NAALADL2: variants seen among roughly 807,000 people sequenced by gnomAD.
NAALADL2 encodes inactive N-acetylated-alpha-linked acidic dipeptidase-like protein 2.
A neutral mutation model predicts 87.2 loss-of-function variants in NAALADL2; 76 were observed. The observed-to-expected ratio is 0.87, with a 90% confidence interval of 0.72 to 1.05. NAALADL2 has a LOEUF of 1.05. NAALADL2 is among the 50% of genes least tolerant of loss of function. NAALADL2 has a pLI of 0.00. For missense variants in NAALADL2, 1,089 were observed against 945.8 expected (o/e 1.15, Z -1.99); for synonymous variants, 354 against 331.0 (o/e 1.07, Z -0.75).
chr3:175,323,099 C>T (rs1338567003), intron 4 of NAALADL2, among the ~76,000 whole-genome samples: 13 of 144,170 alleles, frequency 9.0e-5, no homozygotes, highest in African/African-American at 3.1e-4. Context: ...AAATGTCCAA[C>T]AATGATAGAC....
At position 174,935,673 on chromosome 3, in the gene NAALADL2, G is replaced by A. The variant is rs527307948; in HGVS notation, c.43+76223G>A. On this transcript the variant is annotated intron_variant, in intron 1 of 13. Transcript: ENST00000454872. ...ATTTACAATTGTAAACTTTTGGTAT[G>A]TTATGTTCTTTTAAGGTTCTCTAAT... Among the ~76,000 whole-genome samples, 8 of 152,162 alleles carry A rather than the reference G, an allele frequency of 5.3e-5. No individual in the cohort carries two copies. The South Asian group carries it at 1.7e-3, about 32-fold the overall frequency.
chr3:175,250,110 C>T (rs574729380), intron 3 of NAALADL2, among the ~76,000 whole-genome samples: 1 of 150,312 alleles, frequency 6.7e-6, no homozygotes, highest in Admixed American at 6.6e-5. Flanking sequence ...TGGAGGTTGC[C>T]GTTAGTCAAG....
At chr3:175,441,752 G>T (rs983940352) in intron 5 of NAALADL2, among the ~76,000 whole-genome samples, 1 of 151,830 alleles carries the variant, frequency 6.6e-6, no homozygotes, top group South Asian at 2.1e-4. Flanking sequence ...TTCTGAAGTT[G>T]TGTTATTCTT....
intron 1 of NAALADL2, among the ~76,000 whole-genome samples, chr3:174,496,858 G>GT (rs1718572640): frequency 1.3e-5 from 2 of 151,840 alleles, no homozygotes; most frequent in South Asian, 2.1e-4. Flanking sequence ...AAACACGAAC[G>GT]TATCAGCAAT....
chr3:175,253,163 G>T (rs1749349708), intron 3 of NAALADL2, among the ~76,000 whole-genome samples: 1 of 152,154 alleles, frequency 6.6e-6, no homozygotes, highest in Non-Finnish European at 1.5e-5. Flanking sequence ...CTAGAGAGAA[G>T]AAGGCTAGGC....
chr3:175,395,365 A>G (rs775908227), intron 5 of NAALADL2, among the ~76,000 whole-genome samples: 1 of 152,204 alleles, frequency 6.6e-6, no homozygotes, highest in Non-Finnish European at 1.5e-5. Flanking sequence ...AAACTAAACT[A>G]TGGATAAGGG....
At chr3:175,727,003 A>G (rs759276327) in intron 11 of NAALADL2, among the ~76,000 whole-genome samples, 5 of 152,174 alleles carry the variant, frequency 3.3e-5, no homozygotes, top group Non-Finnish European at 5.9e-5. Context: ...GTTCAGGGCT[A>G]AGTTAAGAGC....
At chr3:175,274,391 C>T (rs1753283839) in intron 4 of NAALADL2, among the ~76,000 whole-genome samples, 1 of 152,192 alleles carries the variant, frequency 6.6e-6, no homozygotes, top group Admixed American at 6.5e-5. Context: ...CAAAAAACTA[C>T]CTGACAGTAA....
chr3:174,685,456 C>T (rs1382637782), intron 2 of NAALADL2, among the ~76,000 whole-genome samples: 1 of 152,164 alleles, frequency 6.6e-6, no homozygotes, highest in Non-Finnish European at 1.5e-5. Flanking sequence ...CCAAACTTCT[C>T]TTCCATTTTC....
intron 2 of NAALADL2, among the ~76,000 whole-genome samples, chr3:174,567,928 CA>C (rs1714478379): frequency 6.6e-6 from 1 of 151,548 alleles, no homozygotes; most frequent in African/African-American, 2.4e-5. Context: ...CCACAGAAAG[CA>C]AAGCATAAAA....
At chr3:174,524,681 G>T (rs1477734573) in intron 1 of NAALADL2, among the ~76,000 whole-genome samples, 1 of 150,540 alleles carries the variant, frequency 6.6e-6, no homozygotes, top group African/African-American at 2.4e-5. Context: ...CTGGGCAGCT[G>T]GGACCACAGG....
At chr3:174,686,799 G>A (rs1301806782) in intron 2 of NAALADL2, among the ~76,000 whole-genome samples, 1 of 151,900 alleles carries the variant, frequency 6.6e-6, no homozygotes, top group African/African-American at 2.4e-5. Flanking sequence ...ACTCAAGATG[G>A]ATTAAAGACT....
chr3:175,051,634 G>A (rs967036798), intron 1 of NAALADL2, among the ~76,000 whole-genome samples: 1 of 152,152 alleles, frequency 6.6e-6, no homozygotes, highest in Non-Finnish European at 1.5e-5. Flanking sequence ...ATCTAACCAT[G>A]GGCGCAACAT....
chr3:175,082,584 C>G (rs1437297601), intron 1 of NAALADL2, among the ~76,000 whole-genome samples: 1 of 152,122 alleles, frequency 6.6e-6, no homozygotes, highest in Non-Finnish European at 1.5e-5. Flanking sequence ...TTTTTAAGAA[C>G]AGGAGATTTA....
At chr3:175,554,199 G>A (rs1412616709) in intron 9 of NAALADL2, among the ~76,000 whole-genome samples, 1 of 152,084 alleles carries the variant, frequency 6.6e-6, no homozygotes, top group Admixed American at 6.6e-5. Context: ...GAGTACAAGA[G>A]GAGACTTGTG....
chr3:175,538,648 A>G (rs1415154807), intron 9 of NAALADL2, among the ~76,000 whole-genome samples: 2 of 152,308 alleles, frequency 1.3e-5, no homozygotes, highest in East Asian at 3.9e-4. Flanking sequence ...TATTTTTGAT[A>G]TAATTTCTCA....
intron 10 of NAALADL2, among the ~76,000 whole-genome samples, chr3:175,579,216 TATCTATC>T (rs1031926041): frequency 3.4e-5 from 5 of 148,958 alleles, no homozygotes; most frequent in African/African-American, 9.8e-5. Flanking sequence ...TCTATCTATC[TATCTATC>T]ATCTATCATC....
At chr3:175,485,384 T>C (rs1318441907) in intron 9 of NAALADL2, among the ~76,000 whole-genome samples, 1 of 152,108 alleles carries the variant, frequency 6.6e-6, no homozygotes, top group Non-Finnish European at 1.5e-5. Context: ...TTAAGGAGAA[T>C]TCACTCACAC....
intron 5 of NAALADL2, among the ~76,000 whole-genome samples, chr3:175,387,555 C>A (rs1040227817): frequency 1.3e-5 from 2 of 152,026 alleles, no homozygotes; most frequent in Non-Finnish European, 2.9e-5. Flanking sequence ...TGTAAGAAAT[C>A]ATTCAAATTT....
Sources: gnomAD v4.1 joint callset for allele counts (sites outside exome capture counted in the v4.1 genomes callset) on GRCh38, gnomAD v4.1.1 for gene constraint, MANE v1.5 for transcripts, NCBI Gene and HGNC (gene_info 2026-07-23, HGNC 2026-07-21) for gene names.